Variants in PHC2 observed in about 807,000 individuals in gnomAD.
PHC2 encodes the protein polyhomeotic-like protein 2.
PHC2 carries 29 observed loss-of-function variants against 87.4 expected under a neutral mutation model. The ratio of observed to expected loss-of-function variants is 0.33; its 90% confidence interval spans 0.25 to 0.45. PHC2 has a LOEUF of 0.45. Ranked by LOEUF, PHC2 falls within the 20% of genes least tolerant of loss-of-function variation. PHC2 has a pLI of 1.00. For synonymous variants in PHC2, 438 were observed against 461.7 expected (o/e 0.95, Z 0.66); for missense variants, 857 against 1,136.7 (o/e 0.75, Z 3.54).
chr1:33,399,618 G>C (rs925983320), intron 1 of PHC2, among the ~76,000 whole-genome samples: 1 of 152,130 alleles, frequency 6.6e-6, no homozygotes. Context: ...CCTAATGTGT[G>C]GCTTATGTTT....
At position 33,329,156 on chromosome 1, in the gene PHC2, G is replaced by C. The variant is rs770353675; in HGVS notation, c.2149-10C>G. ...GCACAGTGCCTGTTGGCTGGGAGCA[G>C]AGAGTTTTCTTCAGGATGGGGGAAC... On this transcript the variant is annotated splice_polypyrimidine_tract_variant and intron_variant, in intron 13 of 14. Transcript: ENST00000683057. 2 of 1,607,810 alleles carry C rather than the reference G, an allele frequency of 1.2e-6. No homozygotes were observed. Among genetic ancestry groups the C allele is most frequent in the Non-Finnish European group, 1.7e-6 (2 of 1,175,554 alleles).
At chr1:33,397,984 A>G (rs1249537814) in intron 1 of PHC2, among the ~76,000 whole-genome samples, 2 of 152,174 alleles carry the variant, frequency 1.3e-5, no homozygotes, top group South Asian at 4.1e-4. Context: ...ATGTAAAAAA[A>G]TACTTAAAAA....
chr1:33,384,455 T>G (rs994439661), intron 1 of PHC2, among the ~76,000 whole-genome samples: 1 of 152,234 alleles, frequency 6.6e-6, no homozygotes, highest in Non-Finnish European at 1.5e-5. Flanking sequence ...ACATAGTTTC[T>G]TCCCTGCTGA....
intron 9 of PHC2, among the ~76,000 whole-genome samples, chr1:33,341,880 G>C (rs1646752322): frequency 6.6e-6 from 1 of 152,214 alleles, no homozygotes; most frequent in Non-Finnish European, 1.5e-5. Flanking sequence ...AAGGCAGGGG[G>C]AACATCCAAT....
At chr1:33,409,075 T>C (rs982153523) in intron 1 of PHC2, among the ~76,000 whole-genome samples, 3 of 152,172 alleles carry the variant, frequency 2.0e-5, no homozygotes, top group African/African-American at 7.2e-5. Flanking sequence ...AGCTTAGAAG[T>C]CAAATTTTCT....
chr1:33,416,750 C>T (rs1333157583), intron 1 of PHC2, among the ~76,000 whole-genome samples: 1 of 151,926 alleles, frequency 6.6e-6, no homozygotes, highest in Non-Finnish European at 1.5e-5. Context: ...TTCAGACAAA[C>T]ACTGAAATAA....
At chr1:33,414,756 G>A (rs1334676824) in intron 1 of PHC2, among the ~76,000 whole-genome samples, 3 of 152,138 alleles carry the variant, frequency 2.0e-5, no homozygotes, top group South Asian at 4.1e-4. Flanking sequence ...AATTTATCAC[G>A]TAGAATTTTG....
In PHC2 at chr1:33,356,249, T is replaced by TTATATA. The variant is rs60725677; in HGVS notation, c.977-1002_977-997dup. Among the ~76,000 whole-genome samples, 167 of 101,520 alleles carry TTATATA rather than the reference T, an allele frequency of 1.6e-3. 1 individual carries two copies. Among genetic ancestry groups the TTATATA allele is most frequent in the East Asian group, 4.9e-3 (16 of 3,274 alleles). The allele number at this position is 101,520 out of a possible 152,430, so 66.6% of individuals were successfully genotyped here. Reference sequence around the variant, plus strand: ...GGCTGACTCTTTGAGGTGAAAATTCTTATATATATATATATATATATATAT... The same window carrying TTATATA: ...GGCTGACTCTTTGAGGTGAAAATTCTTATATATATATATATATATATATATATATAT... On this transcript the variant is annotated intron_variant, in intron 7 of 14. Coordinates refer to ENST00000683057, the MANE Select transcript of PHC2 (RefSeq NM_001385109.1).
Position 33,331,351 on chromosome 1 carries a change from T to G in PHC2, c.2003A>C (p.Lys668Thr). ...SKRFCSMACA[K>T]RYNVGCTKRV... ...GGAGGGGGCTGGGGCCACTCACCTC[T>G]TTGCACAAGCCATGGAACAGAAGCG... is the stretch of plus-strand genomic sequence containing the variant. Residue 668 changes from lysine to threonine, a missense_variant, in exon 12 of 15, where the codon AAG (lysine) becomes ACG (threonine). Transcript: ENST00000683057. This position sits in a 1 kb window ranked among gnomAD's most constrained non-coding sequence, Gnocchi z 5.2. 1 of 1,582,696 alleles carries G rather than the reference T, an allele frequency of 6.3e-7. No homozygotes were observed. Among genetic ancestry groups the G allele is most frequent in the Non-Finnish European group, 8.7e-7 (1 of 1,152,492 alleles).
At chr1:33,343,948 A>G (rs561260141) in intron 9 of PHC2, among the ~76,000 whole-genome samples, 5 of 152,228 alleles carry the variant, frequency 3.3e-5, no homozygotes, top group Non-Finnish European at 5.9e-5. Context: ...TTCAATGGCT[A>G]TTAATCTAAA....
rs1056086131 is a variant in PHC2 at position 33,334,625 on chromosome 1, T to C, written c.1559-333A>G. Among the ~76,000 whole-genome samples the C allele has an allele frequency of 7.2e-5, 11 of 152,378 alleles. No homozygotes were observed. Among genetic ancestry groups the C allele is most frequent in the African/African-American group, 2.4e-4 (10 of 41,590 alleles). On this transcript the variant is annotated intron_variant, in intron 9 of 14. Coordinates refer to ENST00000683057, the MANE Select transcript of PHC2 (RefSeq NM_001385109.1). This position sits in a 1 kb window ranked among gnomAD's most constrained non-coding sequence, Gnocchi z 5.5. ...GAGGAGTTAAGACCTTGGTCGATAC[T>C]GATTTGAACAAATAAGGTTAATACT...
chr1:33,324,979 G>A lies in PHC2; in HGVS notation c.2466C>T (p.Ile822=), dbSNP rs370770593. The A allele has an allele frequency of 2.0e-5, 32 of 1,613,472 alleles. No individual in the cohort carries two copies. Among genetic ancestry groups the A allele is most frequent in the African/African-American group, 5.3e-5 (4 of 74,932 alleles). ...EIAEEFRAQE[I]DGQALLLLKE... ...TGAGCAGCAGCAGGGCTTGCCCGTC[G>A]ATTTCCTGGGCACGGAATTCCTCTG... Residue 822 remains isoleucine (I), a synonymous_variant, in exon 15 of 15, where the codon ATC becomes ATT. Coordinates refer to ENST00000683057, the MANE Select transcript of PHC2 (RefSeq NM_001385109.1).
chr1:33,427,753 T>C (rs868319395), intron 1 of PHC2, among the ~76,000 whole-genome samples: 1 of 152,246 alleles, frequency 6.6e-6, no homozygotes, highest in Non-Finnish European at 1.5e-5. Context: ...TCATGGTTAA[T>C]AGCGTGTCTA....
At chr1:33,325,121 A>G (rs1223295351) in intron 14 of PHC2, 102 bp from the exon 15 acceptor site, 8 of 1,174,366 alleles carry the variant, frequency 6.8e-6, no homozygotes, top group Non-Finnish European at 9.4e-6. Flanking sequence ...TGCATCCATT[A>G]TTTCTTTTAG....
chr1:33,368,920 T>C lies in PHC2; in HGVS notation c.577-298A>G, dbSNP rs1262990426. ...GCTCTGGGGCTACACCAAAGCCGAG[T>C]TCCCTTCAGAACCCTCTGTGAGGGG... On this transcript the variant is annotated intron_variant, in intron 5 of 14. Coordinates refer to ENST00000683057, the MANE Select transcript of PHC2 (RefSeq NM_001385109.1). This position sits in a 1 kb window ranked among gnomAD's most constrained non-coding sequence, Gnocchi z 6.6. Among the ~76,000 whole-genome samples the C allele has an allele frequency of 6.6e-6, 1 of 151,590 alleles. No individual in the cohort carries two copies. Among genetic ancestry groups the C allele is most frequent in the Non-Finnish European group, 1.5e-5 (1 of 67,922 alleles).
intron 2 of PHC2, among the ~76,000 whole-genome samples, chr1:33,373,131 AG>A (rs1647960612): frequency 6.7e-6 from 1 of 148,378 alleles, no homozygotes; most frequent in Non-Finnish European, 1.5e-5. Context: ...TTTTTTTTGG[AG>A]GGGGGATGGA....
In PHC2 at chr1:33,371,074, T is replaced by A; in HGVS notation, c.354A>T (p.Arg118Ser). 1 of 1,614,010 alleles carries A rather than the reference T, an allele frequency of 6.2e-7. No homozygotes were observed. Among genetic ancestry groups the A allele is most frequent in the Non-Finnish European group, 8.5e-7 (1 of 1,179,944 alleles). Residue 118 changes from arginine (R) to serine (S), a missense_variant, in exon 4 of 15, where the codon AGA becomes AGT. Around this residue, in one of 3 missense-constraint regions of PHC2, gnomAD observed 832 missense variants for 1,081.8 expected, o/e 0.77. Coordinates refer to ENST00000683057, the MANE Select transcript of PHC2 (RefSeq NM_001385109.1). ...AVQQASLVSN[R>S]QGSTSGSNVS... ...CATTGCTGCCTGAAGTGCTTCCTTG[T>A]CTATTGGATACCAGGCTTGCCTAGG...
chr1:33,328,163 G>C (rs547106307), intron 14 of PHC2, among the ~76,000 whole-genome samples: 1 of 152,154 alleles, frequency 6.6e-6, no homozygotes. Context: ...GAAGGCATCT[G>C]TGAATGATGT....
chr1:33,427,292 A>G (rs779283954), intron 1 of PHC2, among the ~76,000 whole-genome samples: 7 of 152,246 alleles, frequency 4.6e-5, no homozygotes, highest in Non-Finnish European at 7.3e-5. Context: ...CTGTTCAGTG[A>G]AACATTCAGG....
Sources: allele counts gnomAD v4.1 joint callset (sites outside exome capture counted in the v4.1 genomes callset), GRCh38; gene constraint gnomAD v4.1.1; regional missense constraint gnomAD v4.1.1; non-coding constraint Gnocchi (gnomAD v3.1); transcripts MANE v1.5; gene names NCBI Gene and HGNC (gene_info 2026-07-23, HGNC 2026-07-21).